EPHA6: variants seen among roughly 807,000 people sequenced by gnomAD.
EPHA6 encodes ephrin type-A receptor 6.
EPHA6 carries 50 observed loss-of-function variants against 112.0 expected under a neutral mutation model. That is an observed-to-expected ratio of 0.45 (90% CI 0.36 to 0.56). The LOEUF (loss-of-function observed/expected upper bound fraction) is 0.56, where lower values mean the gene tolerates loss of function less well. Among genes scored for constraint, EPHA6 ranks in the 20% least tolerant of loss-of-function variants. EPHA6 has a pLI of 0.00. For missense variants in EPHA6, 1,280 were observed against 1,417.4 expected, an observed-to-expected ratio of 0.90 and a Z score of 1.56; for synonymous variants, 529 against 490.7, an observed-to-expected ratio of 1.08 and a Z score of -1.03.
intron 12 of EPHA6, among the ~76,000 whole-genome samples, chr3:97,598,673 C>T (rs1202824093): frequency 2.0e-5 from 3 of 151,786 alleles, no homozygotes; most frequent in Non-Finnish European, 2.9e-5. Flanking sequence ...CATTGTTGGA[C>T]ATTTGGGTTG....
chr3:97,745,434 C>T (rs1159302989), intron 16 of EPHA6: 2 of 438,902 alleles, frequency 4.6e-6, no homozygotes, highest in East Asian at 1.4e-4. Context: ...ATATGTAGTA[C>T]AGGAAAAAAG....
chr3:97,544,630 C>A (rs1279472407), intron 11 of EPHA6, among the ~76,000 whole-genome samples: 1 of 152,166 alleles, frequency 6.6e-6, no homozygotes, highest in Non-Finnish European at 1.5e-5. Context: ...AGGATTCACT[C>A]TTTTTCTATT....
At chr3:97,367,713 A>T (rs1296367407) in intron 5 of EPHA6, among the ~76,000 whole-genome samples, 4 of 151,988 alleles carry the variant, frequency 2.6e-5, no homozygotes, top group Non-Finnish European at 5.9e-5. Context: ...CATATTTGTA[A>T]CCCAATTGGT....
chr3:97,630,298 A>G (rs1246759840), intron 13 of EPHA6, among the ~76,000 whole-genome samples: 10 of 152,048 alleles, frequency 6.6e-5, no homozygotes, highest in South Asian at 2.1e-4. Flanking sequence ...AAGTTAAATT[A>G]TAATAAGATT....
In EPHA6 at chr3:96,857,124, A is replaced by G. The variant is rs190717144; in HGVS notation, c.386-9701A>G. 3.9e-5 allele frequency among the ~76,000 whole-genome samples: 6 copies of G among 152,258 alleles called. No individual in the cohort carries two copies. The East Asian group carries it at 7.7e-4, about 20-fold the overall frequency. On this transcript the variant is annotated intron_variant, in intron 1 of 17. Coordinates refer to ENST00000389672, the MANE Select transcript of EPHA6 (RefSeq NM_001080448.3). ...AACTGATCAATGTCTTATCAAACCT[A>G]CATTTGCTGTCTTATGCTTAATTAT...
chr3:97,525,574 C>T (rs556307039), intron 10 of EPHA6, among the ~76,000 whole-genome samples: 1 of 152,222 alleles, frequency 6.6e-6, no homozygotes, highest in Non-Finnish European at 1.5e-5. Flanking sequence ...TTCATGTAGG[C>T]TTGCATTTCT....
intron 12 of EPHA6, among the ~76,000 whole-genome samples, chr3:97,599,054 T>C (rs1299137948): frequency 6.6e-6 from 1 of 152,220 alleles, no homozygotes; most frequent in African/African-American, 2.4e-5. Context: ...TTTGGCTGCA[T>C]AAATGTCTTC....
Position 97,507,042 on chromosome 3 carries a change from T to C in EPHA6, c.2200+22983T>C, listed in dbSNP as rs1017909834. 2.6e-5 allele frequency among the ~76,000 whole-genome samples: 4 copies of C among 152,326 alleles called. No individual in the cohort carries two copies. In the South Asian group the frequency reaches 8.3e-4, roughly 32 times the overall value. On this transcript the variant is annotated intron_variant, in intron 10 of 17. Transcript: ENST00000389672. Reference sequence around the variant, plus strand: ...TATCCTGGGACTTTGCTGAAGTTGCTTATCATCTTAAGGAGATTTTGAGCT... The same window carrying C: ...TATCCTGGGACTTTGCTGAAGTTGCCTATCATCTTAAGGAGATTTTGAGCT...
In EPHA6 at chr3:97,209,115, C is replaced by G. The variant is rs530701049; in HGVS notation, c.1115-17149C>G. ...CCTCTGCTTTGTCTGCAGTATTGTT[C>G]CAGTGAATTAGCACACACAGAATAC... is the stretch of plus-strand genomic sequence containing the variant. On this transcript the variant is annotated intron_variant, in intron 3 of 17. Coordinates refer to ENST00000389672, the MANE Select transcript of EPHA6 (RefSeq NM_001080448.3). Among the ~76,000 whole-genome samples, 4 of 152,114 alleles carry G rather than the reference C, an allele frequency of 2.6e-5. No homozygotes were observed. In the East Asian group the frequency reaches 7.7e-4, roughly 29 times the overall value.
intron 5 of EPHA6, among the ~76,000 whole-genome samples, chr3:97,367,697 C>A (rs2084816845): frequency 6.6e-6 from 1 of 151,948 alleles, no homozygotes; most frequent in South Asian, 2.1e-4. Flanking sequence ...TTTGAATATA[C>A]TATTTCATAT....
intron 11 of EPHA6, among the ~76,000 whole-genome samples, chr3:97,591,571 GT>G (rs1382794109): frequency 6.6e-6 from 1 of 151,918 alleles, no homozygotes; most frequent in Non-Finnish European, 1.5e-5. Flanking sequence ...TTGTTGGTGG[GT>G]GGGGGAGGGT....
intron 3 of EPHA6, among the ~76,000 whole-genome samples, chr3:97,202,863 TTATAG>T (rs1402777939): frequency 6.6e-6 from 1 of 152,132 alleles, no homozygotes; most frequent in East Asian, 1.9e-4. Context: ...CAAAGTCAAC[TTATAG>T]TATTATGCTG....
intron 3 of EPHA6, among the ~76,000 whole-genome samples, chr3:97,073,946 G>T (rs1195095242): frequency 6.6e-6 from 1 of 151,802 alleles, no homozygotes; most frequent in Non-Finnish European, 1.5e-5. Context: ...TATTTTTAAC[G>T]TGTTTATTGG....
At chr3:96,856,605 A>G (rs2035713868) in intron 1 of EPHA6, among the ~76,000 whole-genome samples, 1 of 152,196 alleles carries the variant, frequency 6.6e-6, no homozygotes, top group Non-Finnish European at 1.5e-5. Flanking sequence ...CAATACCTAT[A>G]TTCGAAAATT....
chr3:97,655,098 G>GTTATATA (rs1041719094), intron 14 of EPHA6, among the ~76,000 whole-genome samples: 7 of 147,548 alleles, frequency 4.7e-5, no homozygotes, highest in Admixed American at 2.1e-4. Context: ...TATATTATAT[G>GTTATATA]TTATATATTA....
chr3:97,557,124 A>C (rs1283576280), intron 11 of EPHA6, among the ~76,000 whole-genome samples: 2 of 152,054 alleles, frequency 1.3e-5, no homozygotes, highest in African/African-American at 4.8e-5. Flanking sequence ...GAGTCAAAGA[A>C]TTTGACATCA....
At chr3:97,274,007 G>T (rs2108647005) in intron 5 of EPHA6, among the ~76,000 whole-genome samples, 1 of 152,284 alleles carries the variant, frequency 6.6e-6, no homozygotes, top group South Asian at 2.1e-4. Context: ...CAATCCCTGA[G>T]GGGTAGTAGA....
chr3:97,376,146 T>C (rs2085336465), intron 5 of EPHA6, among the ~76,000 whole-genome samples: 1 of 152,100 alleles, frequency 6.6e-6, no homozygotes, highest in South Asian at 2.1e-4. Context: ...AAAAATAATA[T>C]ATACAGTTTA....
chr3:97,231,063 G>A (rs2078510015), intron 4 of EPHA6, among the ~76,000 whole-genome samples: 1 of 152,084 alleles, frequency 6.6e-6, no homozygotes, highest in South Asian at 2.1e-4. Context: ...TAATCCTTAT[G>A]CCAAAGAGGC....
Sources: allele counts gnomAD v4.1 joint callset (sites outside exome capture counted in the v4.1 genomes callset), GRCh38; gene constraint gnomAD v4.1.1; transcripts MANE v1.5; gene names NCBI Gene and HGNC (gene_info 2026-07-23, HGNC 2026-07-21).